Variants in PIK3CD observed in about 807,000 individuals in gnomAD.
PIK3CD encodes phosphatidylinositol-4,5-bisphosphate 3-kinase catalytic subunit delta, also known as phosphatidylinositol 4,5-bisphosphate 3-kinase catalytic subunit delta isoform.
A neutral mutation model predicts 122.9 loss-of-function variants in PIK3CD; 20 were observed. The ratio of observed to expected loss-of-function variants is 0.16; its 90% CI spans 0.11 to 0.24. PIK3CD has a LOEUF of 0.24. Ranked by LOEUF, PIK3CD falls within the 10% of genes least tolerant of loss-of-function variation. The pLI is 1.00. For synonymous variants in PIK3CD, 596 were observed against 593.4 expected, an observed-to-expected ratio of 1.00 and a Z score of -0.06; for missense variants, 787 against 1,406.3, an observed-to-expected ratio of 0.56 and a Z score of 7.04.
chr1:9,721,287 C>T (rs1422763211), intron 14 of PIK3CD, 39 bp downstream of exon 14: 2 of 1,612,714 alleles, frequency 1.2e-6, no homozygotes, highest in South Asian at 1.1e-5. Context: ...CTCCAGAGGG[C>T]AGCTGTGTCC....
rs369848162 is a variant in PIK3CD, at chr1:9,667,103, A to G, written c.-138+15301A>G. 1.7e-3 allele frequency among the ~76,000 whole-genome samples: 261 copies of G among 152,022 alleles called. 1 individual carries two copies. The highest frequency in any genetic ancestry group is 6.0e-3 in the African/African-American group (249 of 41,494). ...GGTCTCGAACTCCTGAGCTCAGGTAATCTGCTCGCCTCTGCCTCCCAAAGT... is the reference window on the plus strand; with the variant it reads ...GGTCTCGAACTCCTGAGCTCAGGTAGTCTGCTCGCCTCTGCCTCCCAAAGT... On this transcript the variant is annotated intron_variant, in intron 1 of 23. Coordinates refer to ENST00000377346, the MANE Select transcript of PIK3CD (RefSeq NM_005026.5).
intron 1 of PIK3CD, chr1:9,688,256 C>T (rs1467460535): frequency 6.6e-6 from 1 of 152,476 alleles, no homozygotes; most frequent in East Asian, 1.9e-4. Flanking sequence ...CGGGACACGC[C>T]AGGGCTGATT....
At chr1:9,660,062 T>C (rs1000279171) in intron 1 of PIK3CD, among the ~76,000 whole-genome samples, 12 of 152,226 alleles carry the variant, frequency 7.9e-5, no homozygotes, top group Non-Finnish European at 1.5e-4. Context: ...ATTACAGGCA[T>C]GTGCCACCAC....
rs137876692 is a variant in PIK3CD at position 9,684,335 on chromosome 1, G to A, written c.-137-7132G>A. On this transcript the variant is annotated intron_variant, in intron 1 of 23. Coordinates refer to ENST00000377346, the MANE Select transcript of PIK3CD (RefSeq NM_005026.5). ...GTGGATCACCTGGGGTCAGGAGTTC[G>A]AGACCAGCCTGGCCAACATGATGAA... 8.5e-5 allele frequency among the ~76,000 whole-genome samples: 13 copies of A among 152,164 alleles called. No individual in the cohort carries two copies. The East Asian group carries it at 2.3e-3, about 27-fold the overall frequency.
At chr1:9,667,525 C>A (rs1251834784) in intron 1 of PIK3CD, among the ~76,000 whole-genome samples, 1 of 151,188 alleles carries the variant, frequency 6.6e-6, no homozygotes, top group Non-Finnish European at 1.5e-5. Flanking sequence ...CACAGGCTCA[C>A]GCCACCACGC....
intron 1 of PIK3CD, among the ~76,000 whole-genome samples, chr1:9,679,063 C>CTTTT (rs148088382): frequency 8.6e-5 from 10 of 116,564 alleles, no homozygotes; most frequent in Non-Finnish European, 1.4e-4. Flanking sequence ...TCAGGAGAAA[C>CTTTT]TTTTTTTTTT....
Position 9,716,752 on chromosome 1 carries a change from C to T in PIK3CD, c.780+133C>T, listed in dbSNP as rs546494708. ...GGCCTTTGGGTCACCGCCAGAGCATCCCCTGGTAGGGCTGGCCCTCTCTGA... is the reference window on the plus strand; with the variant it reads ...GGCCTTTGGGTCACCGCCAGAGCATTCCCTGGTAGGGCTGGCCCTCTCTGA... On this transcript the variant is annotated intron_variant, in intron 6 of 23. Coordinates refer to ENST00000377346, the MANE Select transcript of PIK3CD (RefSeq NM_005026.5). 3 of 1,176,558 alleles carry T rather than the reference C, an allele frequency of 2.5e-6. No homozygotes were observed. In the East Asian group the frequency reaches 7.6e-5, roughly 30 times the overall value. The allele number at this position is 1,176,558 out of a possible 1,614,324, so 72.9% of individuals were successfully genotyped here.
chr1:9,709,763 T>G (rs1047358326), intron 2 of PIK3CD, among the ~76,000 whole-genome samples: 5 of 152,092 alleles, frequency 3.3e-5, no homozygotes, highest in African/African-American at 1.2e-4. Flanking sequence ...TCCCAGAACT[T>G]TGGGAGGCCG....
chr1:9,633,647 A>T, the PIK3CD span, among the ~76,000 whole-genome samples: 1 of 152,214 alleles, frequency 6.6e-6, no homozygotes, highest in Non-Finnish European at 1.5e-5. Flanking sequence ...ATTCAGCCTT[A>T]GACTAGGTCA....
At chr1:9,642,488 C>T in the PIK3CD span, among the ~76,000 whole-genome samples, 4 of 147,744 alleles carry the variant, frequency 2.7e-5, no homozygotes, top group African/African-American at 4.9e-5. Flanking sequence ...GAGGCCGAGG[C>T]GGGTGGATCA....
In PIK3CD at chr1:9,654,499, T is replaced by G; in HGVS notation, c.-138+2697T>G. The G allele has an allele frequency of 1.2e-5, 6 of 499,110 alleles. No homozygotes were observed. The South Asian group carries it at 1.9e-4, about 16-fold the overall frequency. 30.9% of individuals were successfully genotyped at this position (499,110 alleles called of 1,614,324 possible). On this transcript the variant is annotated intron_variant, in intron 1 of 23. Coordinates refer to ENST00000377346, the MANE Select transcript of PIK3CD (RefSeq NM_005026.5). ...ATGGTTGTGCGAAAGCCAGCCCGCTTTCGCACAACTGTCCGATGGAATTCA... is the reference window on the plus strand; with the variant it reads ...ATGGTTGTGCGAAAGCCAGCCCGCTGTCGCACAACTGTCCGATGGAATTCA...
chr1:9,661,347 T>A (rs1201771960), intron 1 of PIK3CD, among the ~76,000 whole-genome samples: 1 of 152,070 alleles, frequency 6.6e-6, no homozygotes, highest in Non-Finnish European at 1.5e-5. Flanking sequence ...CCCAAAGTGC[T>A]GGGATTACAG....
intron 1 of PIK3CD, chr1:9,653,128 T>C (rs534318254): frequency 6.6e-6 from 1 of 152,258 alleles, no homozygotes; most frequent in South Asian, 2.1e-4. Context: ...GGGGCAATTA[T>C]TCCTCTCTCA....
the PIK3CD span, among the ~76,000 whole-genome samples, chr1:9,638,898 C>T: frequency 6.6e-6 from 1 of 151,388 alleles, no homozygotes; most frequent in Non-Finnish European, 1.5e-5. Context: ...GCCTCAGCCT[C>T]AGGAGGAGCT....
intron 3 of PIK3CD, among the ~76,000 whole-genome samples, chr1:9,712,902 G>A (rs1429254449): frequency 1.3e-5 from 2 of 151,894 alleles, no homozygotes; most frequent in Non-Finnish European, 2.9e-5. Context: ...AATTAGCCAG[G>A]GCCAAGCATG....
In PIK3CD at chr1:9,706,316, C is replaced by A. The variant is rs551602727; in HGVS notation, c.-32-4108C>A. 2.2e-4 allele frequency among the ~76,000 whole-genome samples: 33 copies of A among 148,530 alleles called. 1 individual carries two copies. The South Asian group carries it at 7.0e-3, about 31-fold the overall frequency. Reference sequence around the variant, plus strand: ...GACCAACCTGGGCAACATAGCAAGACCCTGTACCTCAAAAAAAAAAAAAAA... The same window carrying A: ...GACCAACCTGGGCAACATAGCAAGAACCTGTACCTCAAAAAAAAAAAAAAA... On this transcript the variant is annotated intron_variant, in intron 2 of 23. Transcript: ENST00000377346.
In PIK3CD at chr1:9,720,981, C is replaced by T. The variant is rs569827615; in HGVS notation, c.1689+72C>T. On this transcript the variant is annotated intron_variant, in intron 13 of 23. Transcript: ENST00000377346. This position sits in a 1 kb window ranked among gnomAD's most constrained non-coding sequence, Gnocchi z 9.0. ...GCCTCTGGCTACCCACCACCCTGAC[C>T]CCGGCCAACCCCCACCCTCACCCTG... 8.7e-6 allele frequency: 13 copies of T among 1,493,722 alleles called. No homozygotes were observed. The African/African-American group carries it at 1.8e-4, about 21-fold the overall frequency. The allele number at this position is 1,493,722 out of a possible 1,614,324, so 92.5% of individuals were successfully genotyped here. A position where few individuals can be genotyped will look rare whatever the true frequency, so the allele number is the denominator to read the frequency against.
chr1:9,710,304 C>T lies in PIK3CD; in HGVS notation c.-32-120C>T, dbSNP rs1195748674. 11 of 828,028 alleles carry T rather than the reference C, an allele frequency of 1.3e-5. No homozygotes were observed. Among genetic ancestry groups the T allele is most frequent in the South Asian group, 4.1e-5 (3 of 72,776 alleles). The allele number at this position is 828,028 out of a possible 1,614,324, so 51.3% of individuals were successfully genotyped here. On this transcript the variant is annotated intron_variant, in intron 2 of 23. Coordinates refer to ENST00000377346, the MANE Select transcript of PIK3CD (RefSeq NM_005026.5). This position sits in a 1 kb window ranked among gnomAD's most constrained non-coding sequence, Gnocchi z 4.7. ...AGGTGAGCTTTTTGTACCCGCAGGT[C>T]GGGAACTCACTCCTGAGCTTCCTGC...
the PIK3CD span, among the ~76,000 whole-genome samples, chr1:9,637,105 G>C: frequency 6.6e-6 from 1 of 152,160 alleles, no homozygotes; most frequent in African/African-American, 2.4e-5. Flanking sequence ...CACTGTGTTA[G>C]CCAGGATGGT....
Sources: gnomAD v4.1 joint callset for allele counts (sites outside exome capture counted in the v4.1 genomes callset) on GRCh38, gnomAD v4.1.1 for gene constraint, Gnocchi (gnomAD v3.1) non-coding constraint, MANE v1.5 for transcripts, NCBI Gene and HGNC (gene_info 2026-07-23, HGNC 2026-07-21) for gene names.